Variants in KANSL1 observed in about 807,000 individuals in gnomAD.
The protein encoded by KANSL1 is MLL1/MLL complex subunit KANSL1.
Under a neutral mutation model 103.6 loss-of-function variants are expected in KANSL1, and 22 were observed. The observed-to-expected ratio is 0.21, with a 90% CI of 0.15 to 0.30. The LOEUF (loss-of-function observed/expected upper bound fraction) is 0.30. Among genes scored for constraint, KANSL1 ranks in the 10% least tolerant of loss-of-function variants. The pLI, the probability that KANSL1 is intolerant of heterozygous loss-of-function variation, is 1.00. For missense variants in KANSL1, 1,337 were observed against 1,399.8 expected, an observed-to-expected ratio of 0.96 and a Z score of 0.72; for synonymous variants, 600 against 527.6, an observed-to-expected ratio of 1.14 and a Z score of -1.88.
chr17:46,096,321 T>C (rs113052243), intron 2 of KANSL1, among the ~76,000 whole-genome samples: 1 of 138,342 alleles, frequency 7.2e-6, no homozygotes, highest in Non-Finnish European at 1.6e-5. Flanking sequence ...CTTTTTTTTT[T>C]TTTTTTTTTT....
chr17:46,082,447 A>G lies in KANSL1; in HGVS notation c.1527T>C (p.Asp509=), dbSNP rs527948436. The part of the protein sequence containing the change: ...SSEVKTDHGT[D]KLIESVSQPL... ...TTCTATCTTTTATACTTACCAATTT[A>G]TCAGTCCCATGATCTGTCTTCACCT... The change falls in exon 4 of 15, where the codon GAT becomes GAC. Residue 509 remains aspartate, a synonymous_variant. Coordinates refer to ENST00000432791, the MANE Select transcript of KANSL1 (RefSeq NM_015443.4). 6.2e-7 allele frequency: 1 copy of G among 1,601,950 alleles called. No individual in the cohort carries two copies. The highest frequency in any genetic ancestry group is 8.6e-7 in the Non-Finnish European group (1 of 1,169,264).
chr17:46,034,265 TCTC>T lies in KANSL1; in HGVS notation c.2559_2561del (p.Arg855del). 1 of 1,613,966 alleles carries T rather than the reference TCTC, an allele frequency of 6.2e-7. No individual in the cohort carries two copies. The highest frequency in any genetic ancestry group is 1.3e-5 in the African/African-American group (1 of 75,036). On this transcript the variant is annotated inframe_deletion, in exon 11 of 15. Coordinates refer to ENST00000432791, the MANE Select transcript of KANSL1 (RefSeq NM_015443.4). Reference sequence around the variant, plus strand: ...TAATATCAAATGAGCTCTCTCCCCTTCTCCTCCTTACTGGCTGCTGCTGTAAGA... The same window carrying T: ...TAATATCAAATGAGCTCTCTCCCCTTCTCCTTACTGGCTGCTGCTGTAAGA...
chr17:46,150,418 C>T (rs1399260895), intron 2 of KANSL1, among the ~76,000 whole-genome samples: 2 of 152,150 alleles, frequency 1.3e-5, no homozygotes, highest in African/African-American at 4.8e-5. Context: ...ACAATGATTG[C>T]TTTGTATCTT....
chr17:46,098,332 T>C (rs1185773277), intron 2 of KANSL1, among the ~76,000 whole-genome samples: 1 of 152,210 alleles, frequency 6.6e-6, no homozygotes, highest in African/African-American at 2.4e-5. Context: ...CTATCACCAC[T>C]GGGCAACCCC....
At chr17:46,203,944 G>A (rs1397053738) in intron 1 of KANSL1, among the ~76,000 whole-genome samples, 5 of 152,166 alleles carry the variant, frequency 3.3e-5, no homozygotes, top group South Asian at 2.1e-4. Flanking sequence ...GGGAGGCTGA[G>A]GTGGAGAGAC....
chr17:46,123,609 T>C (rs994919580), intron 2 of KANSL1, among the ~76,000 whole-genome samples: 2 of 152,192 alleles, frequency 1.3e-5, no homozygotes, highest in African/African-American at 4.8e-5. Flanking sequence ...GTGGTCTGTA[T>C]AGATCAAACC....
chr17:46,219,326 T>C (rs2048444297), intron 1 of KANSL1, among the ~76,000 whole-genome samples: 1 of 151,902 alleles, frequency 6.6e-6, no homozygotes. Flanking sequence ...TGAAAACCTG[T>C]TTTTACTAAA....
intron 3 of KANSL1, among the ~76,000 whole-genome samples, chr17:46,092,715 T>TGG (rs71138524): frequency 0.018 from 380 of 21,546 alleles, 1 homozygote; most frequent in African/African-American, 0.022. Context: ...TTTTTTTTTT[T>TGG]GGGGGGGGGG....
intron 2 of KANSL1, among the ~76,000 whole-genome samples, chr17:46,120,808 TAA>T (rs1261844483): frequency 6.6e-6 from 1 of 152,180 alleles, no homozygotes; most frequent in Non-Finnish European, 1.5e-5. Context: ...TTGACAAATG[TAA>T]AACATGTACT....
At chr17:46,144,624 A>G (rs1259541469) in intron 2 of KANSL1, among the ~76,000 whole-genome samples, 1 of 152,254 alleles carries the variant, frequency 6.6e-6, no homozygotes. Flanking sequence ...TACCACGTGG[A>G]AATTAGAGAC....
chr17:46,176,557 G>A (rs933044404), intron 1 of KANSL1, among the ~76,000 whole-genome samples: 16 of 152,076 alleles, frequency 1.1e-4, no homozygotes, highest in African/African-American at 1.9e-4. Flanking sequence ...TGAGTGTGGC[G>A]GCGAGCGCCT....
At chr17:46,137,738 G>C (rs1195895428) in intron 2 of KANSL1, among the ~76,000 whole-genome samples, 3 of 151,998 alleles carry the variant, frequency 2.0e-5, no homozygotes, top group African/African-American at 7.3e-5. Flanking sequence ...GTGGTGGCGG[G>C]CGCCTGTAGT....
chr17:46,046,128 A>C (rs1413989694), intron 7 of KANSL1: 1 of 152,204 alleles, frequency 6.6e-6, no homozygotes, highest in African/African-American at 2.4e-5. Context: ...CAGGCATCAG[A>C]TAATCTGGGT....
At chr17:46,130,833 T>G (rs143420940) in intron 2 of KANSL1, among the ~76,000 whole-genome samples, 1 of 152,194 alleles carries the variant, frequency 6.6e-6, no homozygotes, top group African/African-American at 2.4e-5. Context: ...ACAGCTAACT[T>G]TGAACACATC....
At chr17:46,046,719 C>T (rs981844771) in intron 7 of KANSL1, among the ~76,000 whole-genome samples, 1 of 151,238 alleles carries the variant, frequency 6.6e-6, no homozygotes, top group African/African-American at 2.4e-5. Context: ...TGCCTGTAGT[C>T]CCAGCTACTC....
At chr17:46,203,144 A>G (rs566935062) in intron 1 of KANSL1, among the ~76,000 whole-genome samples, 3 of 152,206 alleles carry the variant, frequency 2.0e-5, no homozygotes, top group Non-Finnish European at 4.4e-5. Flanking sequence ...AAGCAGGAGA[A>G]TTGCTTGAAC....
chr17:46,189,315 C>G (rs1222418606), intron 1 of KANSL1, among the ~76,000 whole-genome samples: 1 of 152,126 alleles, frequency 6.6e-6, no homozygotes, highest in Non-Finnish European at 1.5e-5. Flanking sequence ...TCAGTTTACC[C>G]TAGTCCCTCC....
chr17:46,223,706 G>A (rs2048599668), upstream of KANSL1: 1 of 152,510 alleles, frequency 6.6e-6, no homozygotes, highest in African/African-American at 2.4e-5. Flanking sequence ...ATAGTGTCAG[G>A]ATATAAAGAC....
chr17:46,204,872 C>T (rs1318874332), intron 1 of KANSL1, among the ~76,000 whole-genome samples: 2 of 152,142 alleles, frequency 1.3e-5, no homozygotes, highest in African/African-American at 4.8e-5. Context: ...GCAGAAAAAG[C>T]ACTTAACAAA....
Sources: gnomAD v4.1 joint callset for allele counts (sites outside exome capture counted in the v4.1 genomes callset) on GRCh38, gnomAD v4.1.1 for gene constraint, MANE v1.5 for transcripts, NCBI Gene and HGNC (gene_info 2026-07-23, HGNC 2026-07-21) for gene names.